Variants in ANKRD11 observed in about 807,000 individuals in gnomAD.
The protein encoded by ANKRD11 is ankyrin repeat domain 11, also known as ankyrin repeat domain-containing protein 11.
ANKRD11 carries 17 observed loss-of-function variants against 195.7 expected under a neutral mutation model. The observed-to-expected ratio is 0.09, with a 90% CI of 0.06 to 0.13. The LOEUF (loss-of-function observed/expected upper bound fraction) is 0.13. Ranked by LOEUF, ANKRD11 falls within the 10% of genes least tolerant of loss-of-function variation. ANKRD11 has a pLI of 1.00. For synonymous variants in ANKRD11, 1,953 were observed against 1,528.1 expected, an observed-to-expected ratio of 1.28 and a Z score of -6.49; for missense variants, 3,735 against 3,566.1, an observed-to-expected ratio of 1.05 and a Z score of -1.21.
At chr16:89,344,899 G>C (rs1328176880) in intron 2 of ANKRD11, among the ~76,000 whole-genome samples, 4 of 152,180 alleles carry the variant, frequency 2.6e-5, no homozygotes, top group Non-Finnish European at 5.9e-5. Context: ...ATTTTCCTTA[G>C]TTTCATTACC....
rs760333088 is a variant in ANKRD11 at position 89,334,641 on chromosome 16, C to A, written c.-59-17563G>T. On this transcript the variant is annotated intron_variant, in intron 2 of 12. Transcript: ENST00000301030. Reference sequence around the variant, plus strand: ...CAAGCAGAGCCCAGCGCAGTCTCAGCCACGCTCCATGAGGGGCCACATCCA... The same window carrying A: ...CAAGCAGAGCCCAGCGCAGTCTCAGACACGCTCCATGAGGGGCCACATCCA... Among the ~76,000 whole-genome samples the A allele has an allele frequency of 3.3e-5, 5 of 152,228 alleles. No homozygotes were observed. In the Middle Eastern group the frequency reaches 0.014, roughly 417 times the overall value.
intron 1 of ANKRD11, among the ~76,000 whole-genome samples, chr16:89,472,126 G>C (rs1396381968): frequency 6.6e-6 from 1 of 152,166 alleles, no homozygotes; most frequent in Admixed American, 6.5e-5. Flanking sequence ...AAGCTTTAGG[G>C]TTCCGAGTCT....
At chr16:89,444,007 C>T (rs962439434) in intron 1 of ANKRD11, among the ~76,000 whole-genome samples, 6 of 152,130 alleles carry the variant, frequency 3.9e-5, no homozygotes, top group African/African-American at 1.4e-4. Context: ...CTCCGCAGAC[C>T]AAGAATACAG....
chr16:89,424,174 G>T (rs1196506663), intron 1 of ANKRD11, among the ~76,000 whole-genome samples: 1 of 152,182 alleles, frequency 6.6e-6, no homozygotes, highest in Non-Finnish European at 1.5e-5. Context: ...TCCTGGCTGG[G>T]CGCAGTGGCT....
chr16:89,441,807 C>A (rs1191350340), intron 1 of ANKRD11, among the ~76,000 whole-genome samples: 23 of 121,452 alleles, frequency 1.9e-4, no homozygotes, highest in Non-Finnish European at 3.6e-4. Flanking sequence ...AAACCTGACT[C>A]TTAAAAAATT....
At chr16:89,410,150 T>G (rs1308260239) in intron 2 of ANKRD11, among the ~76,000 whole-genome samples, 2 of 152,214 alleles carry the variant, frequency 1.3e-5, no homozygotes, top group African/African-American at 4.8e-5. Context: ...CAATCTAAAT[T>G]TAAAACACAG....
At chr16:89,486,408 G>A (rs1290459842) in intron 1 of ANKRD11, among the ~76,000 whole-genome samples, 2 of 149,418 alleles carry the variant, frequency 1.3e-5, no homozygotes, top group Non-Finnish European at 3.0e-5. Context: ...GCAACTGGCC[G>A]CTGCCCTCCA....
At chr16:89,330,562 G>T (rs979922100) in intron 2 of ANKRD11, among the ~76,000 whole-genome samples, 2 of 151,426 alleles carry the variant, frequency 1.3e-5, no homozygotes, top group Non-Finnish European at 2.9e-5. Flanking sequence ...GGTGGTGTGG[G>T]GGGGAGCCAC....
At chr16:89,450,538 T>A (rs537689799) in intron 1 of ANKRD11, among the ~76,000 whole-genome samples, 2 of 152,316 alleles carry the variant, frequency 1.3e-5, no homozygotes, top group African/African-American at 4.8e-5. Flanking sequence ...CCGCTTTGTT[T>A]TAGTACTGAT....
chr16:89,323,152 A>G (rs567678264), intron 2 of ANKRD11: 99 of 385,906 alleles, frequency 2.6e-4, no homozygotes, highest in Non-Finnish European at 9.6e-5. Context: ...CACGGTCTCC[A>G]GCGGCTGCGT....
chr16:89,452,779 CAAAAAAAAA>C (rs11401095), intron 1 of ANKRD11, among the ~76,000 whole-genome samples: 2 of 73,514 alleles, frequency 2.7e-5, no homozygotes, highest in Non-Finnish European at 4.9e-5. Context: ...GACTCTATCT[CAAAAAAAAA>C]AAAAAAAAAA....
intron 1 of ANKRD11, among the ~76,000 whole-genome samples, chr16:89,462,394 G>A (rs890909434): frequency 2.6e-5 from 4 of 152,242 alleles, no homozygotes; most frequent in African/African-American, 9.6e-5. Context: ...AGGCTGGAGT[G>A]CAGTGGCATG....
At chr16:89,274,775 C>T in intron 11 of ANKRD11, 39 bp downstream of exon 11, 1 of 1,604,258 alleles carries the variant, frequency 6.2e-7, no homozygotes, top group South Asian at 1.1e-5. Flanking sequence ...AGGGTGCAGG[C>T]ACTTGGACTC....
chr16:89,353,966 A>G lies in ANKRD11; in HGVS notation c.-59-36888T>C, dbSNP rs762707798. ...GGCAGAGATGGAGACATAAAGGCGG[A>G]GCTGGCTTCCAGCCTTGTGAACCAG... is the stretch of plus-strand genomic sequence containing the variant. On this transcript the variant is annotated intron_variant, in intron 2 of 12. Transcript: ENST00000301030. 2.0e-5 allele frequency among the ~76,000 whole-genome samples: 3 copies of G among 152,164 alleles called. No individual in the cohort carries two copies. The South Asian group carries it at 6.2e-4, about 31-fold the overall frequency.
chr16:89,412,855 A>G (rs1393860029), intron 2 of ANKRD11, among the ~76,000 whole-genome samples: 1 of 152,200 alleles, frequency 6.6e-6, no homozygotes, highest in Non-Finnish European at 1.5e-5. Context: ...TCAGTCCCCC[A>G]GCAGGACCTC....
At chr16:89,271,177 T>G in intron 11 of ANKRD11, 1 of 498,006 alleles carries the variant, frequency 2.0e-6, no homozygotes, top group Non-Finnish European at 3.7e-6. Flanking sequence ...TGTGAGCCGG[T>G]CCCCAGCCCT....
In ANKRD11 at chr16:89,283,544, A is replaced by G; in HGVS notation, c.2998T>C (p.Trp1000Arg). 1 of 1,612,312 alleles carries G rather than the reference A, an allele frequency of 6.2e-7. No individual in the cohort carries two copies. The highest frequency in any genetic ancestry group is 8.5e-7 in the Non-Finnish European group (1 of 1,179,928). ...DGDFGKGLEP[W>R]ERHHPAREKE... ...TCTCGTGCTGGGTGGTGCCGTTCCC[A>G]CGGCTCCAGGCCCTTCCCAAAGTCG... is the stretch of plus-strand genomic sequence containing the variant. The change falls in exon 9 of 13, where the codon TGG becomes CGG. Residue 1000 changes from tryptophan (W) to arginine (R), a missense_variant. Trp to Arg is a moderately radical substitution (Grantham distance 101). Coordinates refer to ENST00000301030, the MANE Select transcript of ANKRD11 (RefSeq NM_013275.6). The surrounding 1 kb of genome is among the most constrained non-coding windows in gnomAD (Gnocchi z 4.3).
At chr16:89,298,504 A>G (rs2035597307) in intron 4 of ANKRD11, among the ~76,000 whole-genome samples, 1 of 152,220 alleles carries the variant, frequency 6.6e-6, no homozygotes, top group Non-Finnish European at 1.5e-5. Flanking sequence ...CCAAAGTCCC[A>G]CAGCATGGAG....
intron 1 of ANKRD11, among the ~76,000 whole-genome samples, chr16:89,486,866 G>A (rs536489893): frequency 4.6e-5 from 7 of 152,084 alleles, no homozygotes; most frequent in East Asian, 1.9e-4. Context: ...AAAATTAGCC[G>A]TGTTTGGTAG....
Sources: allele counts gnomAD v4.1 joint callset (sites outside exome capture counted in the v4.1 genomes callset), GRCh38; gene constraint gnomAD v4.1.1; non-coding constraint Gnocchi (gnomAD v3.1); transcripts MANE v1.5; gene names NCBI Gene and HGNC (gene_info 2026-07-23, HGNC 2026-07-21).